Variants in PIP5K1B observed in about 807,000 individuals in gnomAD.
The protein encoded by PIP5K1B is phosphatidylinositol-4-phosphate 5-kinase type 1 beta, also known as phosphatidylinositol 4-phosphate 5-kinase type-1 beta.
PIP5K1B carries 42 observed loss-of-function variants against 67.0 expected under a neutral mutation model. The observed-to-expected ratio is 0.63, with a 90% CI of 0.49 to 0.81. PIP5K1B has a LOEUF of 0.81. Among genes scored for constraint, PIP5K1B ranks in the 30% least tolerant of loss-of-function variants. PIP5K1B has a pLI of 0.00. For synonymous variants in PIP5K1B, 214 were observed against 231.4 expected (o/e 0.92, Z 0.68); for missense variants, 459 against 646.3 (o/e 0.71, Z 3.14).
intron 7 of PIP5K1B, among the ~76,000 whole-genome samples, chr9:68,889,460 C>A (rs1442764231): frequency 6.6e-6 from 1 of 152,072 alleles, no homozygotes; most frequent in Non-Finnish European, 1.5e-5. Context: ...CGTGGCCAGG[C>A]GTGGTGGCTC....
chr9:68,864,410 C>A (rs1392534649), intron 5 of PIP5K1B, among the ~76,000 whole-genome samples: 1 of 152,220 alleles, frequency 6.6e-6, no homozygotes. Context: ...TTAGTCTTAT[C>A]TCTTCTCTTT....
At chr9:68,997,306 C>A (rs962877673) in intron 15 of PIP5K1B, among the ~76,000 whole-genome samples, 1 of 152,162 alleles carries the variant, frequency 6.6e-6, no homozygotes, top group African/African-American at 2.4e-5. Context: ...ATTTGAATCC[C>A]TCAGCGTTGA....
intron 15 of PIP5K1B, 30 bp from the exon 16 acceptor site, chr9:69,008,417 G>A (rs745524124): frequency 1.2e-6 from 2 of 1,612,716 alleles, no homozygotes; most frequent in Non-Finnish European, 1.7e-6. Context: ...CCAAAATCTA[G>A]TCTCACACCT....
chr9:68,938,076 T>A lies in PIP5K1B; in HGVS notation c.1358-2570T>A, dbSNP rs192963741. ...GTGCTGAGAAGAATGTATATTCTGT[T>A]GATTTGGGGTAGAGAGTACTGTAGC... On this transcript the variant is annotated intron_variant, in intron 13 of 15. Transcript: ENST00000265382. 2.7e-4 allele frequency among the ~76,000 whole-genome samples: 41 copies of A among 152,348 alleles called. No homozygotes were observed. The East Asian group carries it at 7.5e-3, about 28-fold the overall frequency.
intron 2 of PIP5K1B, chr9:68,784,141 G>A (rs1337404283): frequency 6.0e-6 from 1 of 167,082 alleles, no homozygotes; most frequent in Non-Finnish European, 1.5e-5. Context: ...GGTTCTAAGG[G>A]CATGTGGACA....
At chr9:69,006,068 T>A (rs745991773) in intron 15 of PIP5K1B, among the ~76,000 whole-genome samples, 2 of 152,098 alleles carry the variant, frequency 1.3e-5, no homozygotes, top group Non-Finnish European at 2.9e-5. Flanking sequence ...TATTTTTTAT[T>A]TTTGTAGAGA....
At chr9:68,727,318 T>C (rs544263539) in intron 1 of PIP5K1B, among the ~76,000 whole-genome samples, 1 of 152,294 alleles carries the variant, frequency 6.6e-6, no homozygotes, top group East Asian at 1.9e-4. Context: ...AAGCAAGAGT[T>C]GATCACTCTC....
At chr9:68,838,090 C>T (rs1821725382) in intron 4 of PIP5K1B, among the ~76,000 whole-genome samples, 1 of 149,200 alleles carries the variant, frequency 6.7e-6, no homozygotes, top group Non-Finnish European at 1.5e-5. Flanking sequence ...TTCTTTTGCG[C>T]ATGGGATTTT....
Position 69,008,734 on chromosome 9 carries a change from T to C in PIP5K1B, c.*285T>C, listed in dbSNP as rs1831201309. The C allele has an allele frequency of 2.6e-6, 1 of 383,440 alleles. No homozygotes were observed. The highest frequency in any genetic ancestry group is 3.8e-5 in the Admixed American group (1 of 26,496). 23.8% of individuals were successfully genotyped at this position (383,440 alleles called of 1,614,324 possible). On this transcript the variant is annotated 3_prime_UTR_variant, in exon 16 of 16. Transcript: ENST00000265382. ...TTCTGTACCATTGCCAATCACCTTT[T>C]TGGAGTTGGAAGTGCTATTTTCCTA...
intron 9 of PIP5K1B, 81 bp downstream of exon 9, chr9:68,917,840 C>A: frequency 2.0e-6 from 2 of 1,014,624 alleles, no homozygotes; most frequent in Admixed American, 1.9e-5. Flanking sequence ...TCACATTCAC[C>A]TTAGGGTGGG....
intron 15 of PIP5K1B, among the ~76,000 whole-genome samples, chr9:68,991,977 TG>T (rs368730023): frequency 0.042 from 6,380 of 150,304 alleles, 447 homozygotes; most frequent in African/African-American, 0.15. Context: ...AAATTTTTTT[TG>T]GGGGGGGGCA....
At chr9:68,937,798 C>T (rs183299946) in intron 13 of PIP5K1B, among the ~76,000 whole-genome samples, 7 of 152,102 alleles carry the variant, frequency 4.6e-5, no homozygotes, top group East Asian at 1.9e-4. Context: ...GACTCTGGTA[C>T]GTTGTCTTCA....
intron 2 of PIP5K1B, among the ~76,000 whole-genome samples, chr9:68,773,404 G>A (rs1326968802): frequency 1.3e-5 from 2 of 152,150 alleles, no homozygotes; most frequent in East Asian, 1.9e-4. Flanking sequence ...TTCCACTGAG[G>A]AACAAGGAGA....
At chr9:68,951,431 T>C (rs1225593353) in intron 14 of PIP5K1B, among the ~76,000 whole-genome samples, 2 of 152,254 alleles carry the variant, frequency 1.3e-5, no homozygotes, top group East Asian at 1.9e-4. Flanking sequence ...TATTTATGTA[T>C]GAGTGCATTT....
At chr9:68,829,005 C>T (rs1834141539) in intron 4 of PIP5K1B, among the ~76,000 whole-genome samples, 1 of 152,128 alleles carries the variant, frequency 6.6e-6, no homozygotes, top group African/African-American at 2.4e-5. Context: ...GGGAGGCTGA[C>T]ACAGGAGAAT....
intron 14 of PIP5K1B, among the ~76,000 whole-genome samples, chr9:68,954,958 G>A (rs973204000): frequency 9.2e-5 from 14 of 152,192 alleles, no homozygotes; most frequent in African/African-American, 2.7e-4. Flanking sequence ...AGAAAGGATG[G>A]AAAAGATGGA....
intron 14 of PIP5K1B, among the ~76,000 whole-genome samples, chr9:68,976,385 A>G (rs1318412573): frequency 6.6e-6 from 1 of 152,208 alleles, no homozygotes; most frequent in East Asian, 1.9e-4. Flanking sequence ...GATCAAATCC[A>G]AACTCCTGAT....
At chr9:68,908,652 A>C (rs1213525970) in intron 8 of PIP5K1B, among the ~76,000 whole-genome samples, 1 of 152,194 alleles carries the variant, frequency 6.6e-6, no homozygotes, top group Admixed American at 6.5e-5. Flanking sequence ...ATTTAATTAA[A>C]TTGAAAAGAA....
At chr9:68,781,740 T>G (rs924994564) in intron 2 of PIP5K1B, 3 of 166,776 alleles carry the variant, frequency 1.8e-5, no homozygotes, top group East Asian at 3.8e-4. Context: ...AAAATAAAAT[T>G]TTTTCCTTTT....
Sources: allele counts gnomAD v4.1 joint callset (sites outside exome capture counted in the v4.1 genomes callset), GRCh38; gene constraint gnomAD v4.1.1; transcripts MANE v1.5; gene names NCBI Gene and HGNC (gene_info 2026-07-23, HGNC 2026-07-21).